Variants in DENND4C observed in about 807,000 individuals in gnomAD.
The protein encoded by DENND4C is DENN domain-containing protein 4C.
Under a neutral mutation model 203.0 loss-of-function variants are expected in DENND4C, and 108 were observed. The ratio of observed to expected loss-of-function variants is 0.53; its 90% CI spans 0.46 to 0.62. The LOEUF is 0.62. DENND4C is among the 20% of genes least tolerant of loss of function. DENND4C has a pLI of 0.00. For missense variants in DENND4C, 2,481 were observed against 2,301.2 expected (o/e 1.08, Z -1.60); for synonymous variants, 871 against 792.4 (o/e 1.10, Z -1.67).
intron 6 of DENND4C, among the ~76,000 whole-genome samples, chr9:19,297,172 A>T (rs1837640536): frequency 6.6e-6 from 1 of 152,222 alleles, no homozygotes; most frequent in Non-Finnish European, 1.5e-5. Context: ...AAGTATGTGT[A>T]AGCTTAGATG....
intron 26 of DENND4C, 95 bp downstream of exon 26, chr9:19,352,760 G>C (rs571649912): frequency 1.0e-6 from 1 of 969,148 alleles, no homozygotes; most frequent in Admixed American, 3.1e-5. Flanking sequence ...CTCCAGGTCT[G>C]CCTTCCTGTC....
At chr9:19,282,559 TAA>T (rs55934794) in intron 2 of DENND4C, among the ~76,000 whole-genome samples, 4 of 137,186 alleles carry the variant, frequency 2.9e-5, no homozygotes, top group Non-Finnish European at 3.1e-5. Flanking sequence ...TGGCAAAAAT[TAA>T]AAAAAAAAAA....
At chr9:19,364,109 G>A (rs1397268540) in intron 30 of DENND4C, among the ~76,000 whole-genome samples, 1 of 152,102 alleles carries the variant, frequency 6.6e-6, no homozygotes, top group Non-Finnish European at 1.5e-5. Context: ...CTTGAGCCCA[G>A]GAGTTCTAGG....
At position 19,328,055 on chromosome 9, in the gene DENND4C, C is replaced by T. The variant is rs1317066763; in HGVS notation, c.2146C>T (p.Leu716Phe). ...YSYKYFPRLDLKLFDRPQELK... is the reference protein window; with the variant it reads ...YSYKYFPRLDFKLFDRPQELK... The stretch of plus-strand genomic sequence containing the variant: ...TTACAAATACTTTCCAAGACTGGAC[C>T]TTAAGCTTTTTGACAGACCGCAGGA... The change falls in exon 16 of 33, where the codon CTT (leucine) becomes TTT (phenylalanine). Residue 716 changes from leucine (L) to phenylalanine (F), a missense_variant. Leu to Phe is a conservative substitution (Grantham distance 22, BLOSUM62 0). Coordinates refer to ENST00000434457, the MANE Select transcript of DENND4C (RefSeq NM_001330640.2). 1.2e-6 allele frequency: 2 copies of T among 1,610,154 alleles called. No individual in the cohort carries two copies. The highest frequency in any genetic ancestry group is 1.7e-5 in the Admixed American group (1 of 59,530).
rs1829182766 is a variant in DENND4C at position 19,373,544 on chromosome 9, A to G, written c.*1371A>G. On this transcript the variant is annotated 3_prime_UTR_variant, in exon 33 of 33. Transcript: ENST00000434457. ...TTGTGAGTAAAAATGTGCATTTGTA[A>G]ATACTGTGTTTTTAGGTTGAATCAA... is the stretch of plus-strand genomic sequence containing the variant. The G allele has an allele frequency of 6.6e-6, 1 of 152,608 alleles. No homozygotes were observed. Among genetic ancestry groups the G allele is most frequent in the Non-Finnish European group, 1.5e-5 (1 of 68,036 alleles). 9.5% of individuals were successfully genotyped at this position (152,608 alleles called of 1,614,324 possible).
At chr9:19,277,846 C>T (rs1294640889) in intron 2 of DENND4C, among the ~76,000 whole-genome samples, 2 of 152,082 alleles carry the variant, frequency 1.3e-5, no homozygotes, top group African/African-American at 4.8e-5. Flanking sequence ...TCCTAGTTTT[C>T]TGAGAGATTT....
chr9:19,300,071 G>GT, intron 8 of DENND4C, 116 bp from the exon 9 acceptor site: 4 of 1,056,882 alleles, frequency 3.8e-6, no homozygotes, highest in Non-Finnish European at 5.1e-6. Flanking sequence ...TGATAAATAA[G>GT]TAAAGACTAG....
chr9:19,265,514 T>C (rs992738054), intron 1 of DENND4C, among the ~76,000 whole-genome samples: 2 of 152,194 alleles, frequency 1.3e-5, no homozygotes, highest in Non-Finnish European at 2.9e-5. Context: ...GCAGGTTTGT[T>C]ACATATGTAT....
intron 1 of DENND4C, among the ~76,000 whole-genome samples, chr9:19,238,524 GCCCT>G (rs1822714863): frequency 3.0e-4 from 1 of 3,346 alleles, no homozygotes. Context: ...CCCTTCCCCT[GCCCT>G]CCCCTCCCCC....
chr9:19,346,688 G>C lies in DENND4C; in HGVS notation c.3919G>C (p.Glu1307Gln). 2 of 1,614,174 alleles carry C rather than the reference G, an allele frequency of 1.2e-6. No individual in the cohort carries two copies. The highest frequency in any genetic ancestry group is 1.7e-6 in the Non-Finnish European group (2 of 1,180,042). ...ATCTTCTAGTATGGAATTACACAGA[G>C]AGGAAAACAGAGAGTCTGGCATGAC... The part of the protein sequence containing the change: ...SKSSSMELHR[E>Q]ENRESGMTTA... Residue 1307 changes from glutamate (E) to glutamine (Q), a missense_variant, in exon 23 of 33, where the codon GAG (glutamate) becomes CAG (glutamine). Physicochemically the swap from Glu to Gln is conservative, Grantham distance 29. Around this residue, in one of 3 missense-constraint regions of DENND4C, gnomAD observed 2,289 missense variants for 2,113.3 expected, o/e 1.08. Transcript: ENST00000434457.
Position 19,334,378 on chromosome 9 carries a change from C to T in DENND4C, c.2461-599C>T, listed in dbSNP as rs530316257. Among the ~76,000 whole-genome samples the T allele has an allele frequency of 5.4e-4, 82 of 152,198 alleles. 1 individual carries two copies. In the South Asian group the frequency reaches 0.016, roughly 29 times the overall value. On this transcript the variant is annotated intron_variant, in intron 17 of 32. Coordinates refer to ENST00000434457, the MANE Select transcript of DENND4C (RefSeq NM_001330640.2). ...TATCCTTGATTTTAGAAATGAATTA[C>T]CTCTCAAATTATGAGGAGTAATAGT... is the stretch of plus-strand genomic sequence containing the variant.
chr9:19,276,650 C>A (rs10448197), intron 2 of DENND4C, 171 bp downstream of exon 2: 1 of 410,648 alleles, frequency 2.4e-6, no homozygotes. Flanking sequence ...ATGCCAGTAT[C>A]CACCCTTACT....
chr9:19,308,399 T>A (rs756846702), intron 10 of DENND4C, among the ~76,000 whole-genome samples: 35 of 152,250 alleles, frequency 2.3e-4, no homozygotes, highest in African/African-American at 8.4e-4. Flanking sequence ...GTGGCTTTAA[T>A]TCACATTTCC....
chr9:19,261,951 T>G (rs1829463673), intron 1 of DENND4C, among the ~76,000 whole-genome samples: 1 of 152,058 alleles, frequency 6.6e-6, no homozygotes, highest in Non-Finnish European at 1.5e-5. Flanking sequence ...TTGTAGATAC[T>G]GTAAATGGGA....
intron 30 of DENND4C, among the ~76,000 whole-genome samples, chr9:19,363,197 T>C (rs1826867541): frequency 6.6e-6 from 1 of 152,170 alleles, no homozygotes; most frequent in South Asian, 2.1e-4. Context: ...CCTTTTCTTA[T>C]AAAGACATCA....
rs1479826959 is a variant in DENND4C, at chr9:19,352,566, C to T, written c.4682C>T (p.Thr1561Ile). The T allele has an allele frequency of 6.2e-7, 1 of 1,613,816 alleles. No homozygotes were observed. The highest frequency in any genetic ancestry group is 8.5e-7 in the Non-Finnish European group (1 of 1,179,842). ...GATGAAGAAATTATGGCTGGATGGACAGCAGATGACTCAAATTTGAATACA... is the reference window on the plus strand; with the variant it reads ...GATGAAGAAATTATGGCTGGATGGATAGCAGATGACTCAAATTTGAATACA... ...VYDEEIMAGW[T>I]ADDSNLNTAC... The change falls in exon 26 of 33, where the codon ACA becomes ATA. Residue 1561 changes from threonine (T) to isoleucine (I), a missense_variant. Thr to Ile is a moderately conservative substitution (Grantham distance 89). Transcript: ENST00000434457.
In DENND4C at chr9:19,341,180, A is replaced by G. The variant is rs920232925; in HGVS notation, c.3004+66A>G. ...CTGTATTATTAATAATTAAAAGTTT[A>G]TCTTAGTTGATAGCTTTGATGATTA... On this transcript the variant is annotated intron_variant, in intron 21 of 32. Coordinates refer to ENST00000434457, the MANE Select transcript of DENND4C (RefSeq NM_001330640.2). The G allele has an allele frequency of 1.1e-5, 14 of 1,271,200 alleles. No homozygotes were observed. The African/African-American group carries it at 1.6e-4, about 14-fold the overall frequency. The allele number at this position is 1,271,200 out of a possible 1,614,324, so 78.7% of individuals were successfully genotyped here. A position where few individuals can be genotyped will look rare whatever the true frequency, so the allele number is the denominator to read the frequency against.
chr9:19,355,917 GGTTTAAATTATT>G lies in DENND4C; in HGVS notation c.4782-1054_4782-1043del, dbSNP rs1270419536. On this transcript the variant is annotated intron_variant, in intron 26 of 32. Transcript: ENST00000434457. ...ATCTTCTTTTATGTCCTTTAACACA[GGTTTAAATTATT>G]CTCCATAAGTCCTATACTTTTTGAG... Among the ~76,000 whole-genome samples, 4 of 151,850 alleles carry G rather than the reference GGTTTAAATTATT, an allele frequency of 2.6e-5. No homozygotes were observed. In the East Asian group the frequency reaches 7.7e-4, roughly 29 times the overall value.
At chr9:19,328,653 G>GTCTATCTA (rs773607935) in intron 16 of DENND4C, among the ~76,000 whole-genome samples, 31 of 84,472 alleles carry the variant, frequency 3.7e-4, no homozygotes, top group African/African-American at 7.2e-4. Context: ...CTGTCTGTCT[G>GTCTATCTA]TCTGTCTATC....
Sources: allele counts gnomAD v4.1 joint callset (sites outside exome capture counted in the v4.1 genomes callset), GRCh38; gene constraint gnomAD v4.1.1; regional missense constraint gnomAD v4.1.1; transcripts MANE v1.5; gene names NCBI Gene and HGNC (gene_info 2026-07-23, HGNC 2026-07-21).